RARB: variants seen among roughly 807,000 people sequenced by gnomAD.
RARB encodes the protein HBV-activated protein.
RARB carries 17 observed loss-of-function variants against 51.9 expected under a neutral mutation model. That is an observed-to-expected ratio of 0.33 (90% CI 0.22 to 0.49). The LOEUF (loss-of-function observed/expected upper bound fraction) is 0.49. RARB is among the 20% of genes least tolerant of loss of function. The pLI, the probability that RARB is intolerant of heterozygous loss-of-function variation, is 0.99. For synonymous variants in RARB, 215 were observed against 195.4 expected (o/e 1.10, Z -0.84); for missense variants, 369 against 550.8 (o/e 0.67, Z 3.30).
At chr3:24,948,310 A>G (rs754749878) in intron 2 of RARB, among the ~76,000 whole-genome samples, 4 of 152,224 alleles carry the variant, frequency 2.6e-5, no homozygotes, top group Non-Finnish European at 4.4e-5. Flanking sequence ...AGAAATACAC[A>G]TATGACTGAA....
At chr3:25,430,834 A>G (rs1355535682) in intron 1 of RARB, among the ~76,000 whole-genome samples, 2 of 152,154 alleles carry the variant, frequency 1.3e-5, no homozygotes, top group African/African-American at 4.8e-5. Flanking sequence ...CAGTTTCACA[A>G]GAGTTTGAAT....
intron 3 of RARB, among the ~76,000 whole-genome samples, chr3:25,127,791 G>T (rs1284079998): frequency 6.6e-6 from 1 of 151,798 alleles, no homozygotes; most frequent in Non-Finnish European, 1.5e-5. Flanking sequence ...CATGGTCTAG[G>T]GAAGACAGCA....
chr3:25,140,596 T>G (rs1425303992), intron 4 of RARB, among the ~76,000 whole-genome samples: 1 of 152,192 alleles, frequency 6.6e-6, no homozygotes, highest in Non-Finnish European at 1.5e-5. Context: ...TGAACATTGT[T>G]GAAATGACAA....
chr3:25,217,192 G>C (rs967114312), intron 5 of RARB, among the ~76,000 whole-genome samples: 8 of 152,148 alleles, frequency 5.3e-5, no homozygotes, highest in Admixed American at 2.6e-4. Context: ...CTACAATTTG[G>C]TTACCTGTTG....
At chr3:25,520,241 T>G (rs1445778424) in intron 3 of RARB, among the ~76,000 whole-genome samples, 5 of 152,234 alleles carry the variant, frequency 3.3e-5, no homozygotes, top group African/African-American at 1.2e-4. Flanking sequence ...ATTCAAACAC[T>G]GGTTATAAGA....
intron 5 of RARB, among the ~76,000 whole-genome samples, chr3:25,312,054 G>A (rs572247723): frequency 1.7e-4 from 26 of 152,296 alleles, no homozygotes; most frequent in Admixed American, 1.5e-3. Flanking sequence ...GTTCTTTGGG[G>A]GAGATGAGTT....
intron 5 of RARB, among the ~76,000 whole-genome samples, chr3:25,345,294 G>T (rs1705355156): frequency 6.6e-6 from 1 of 151,832 alleles, no homozygotes; most frequent in Admixed American, 6.6e-5. Context: ...CTGCTGAGCA[G>T]AAATTCATAG....
intron 5 of RARB, among the ~76,000 whole-genome samples, chr3:25,200,438 TTA>T (rs1299480228): frequency 1.3e-5 from 2 of 152,140 alleles, no homozygotes; most frequent in Non-Finnish European, 2.9e-5. Context: ...CAGAAGCTCT[TTA>T]GTTTGATTAG....
intron 5 of RARB, among the ~76,000 whole-genome samples, chr3:25,293,064 AC>A (rs1377480929): frequency 6.6e-6 from 1 of 152,200 alleles, no homozygotes; most frequent in Non-Finnish European, 1.5e-5. Flanking sequence ...TCCAATGCAG[AC>A]AAAAGATTAG....
intron 4 of RARB, among the ~76,000 whole-genome samples, chr3:25,154,138 A>T (rs1400594865): frequency 6.6e-6 from 1 of 152,236 alleles, no homozygotes. Flanking sequence ...AATTAAAGAT[A>T]TCTTATTGAT....
chr3:25,119,277 G>C (rs1699740313), intron 3 of RARB, among the ~76,000 whole-genome samples: 1 of 152,052 alleles, frequency 6.6e-6, no homozygotes, highest in African/African-American at 2.4e-5. Context: ...GGTGAGGACT[G>C]AGGGGTCGGT....
At chr3:25,005,968 A>ACTG (rs1365571748) in intron 2 of RARB, among the ~76,000 whole-genome samples, 12 of 152,018 alleles carry the variant, frequency 7.9e-5, no homozygotes, top group Non-Finnish European at 1.5e-4. Flanking sequence ...CTCCAGTTAT[A>ACTG]CTGGTTTGCT....
intron 5 of RARB, among the ~76,000 whole-genome samples, chr3:25,372,454 T>C (rs1296214587): frequency 6.6e-6 from 1 of 152,170 alleles, no homozygotes. Context: ...GGAGACATAA[T>C]AGTGAAAGCC....
intron 5 of RARB, among the ~76,000 whole-genome samples, chr3:25,386,112 T>A (rs964946387): frequency 6.6e-6 from 1 of 152,052 alleles, no homozygotes. Context: ...GGCAATATAG[T>A]CTGATAAAGA....
chr3:24,874,232 T>G (rs1156746158), intron 2 of RARB, among the ~76,000 whole-genome samples: 1 of 152,070 alleles, frequency 6.6e-6, no homozygotes, highest in African/African-American at 2.4e-5. Context: ...TCTTTGAAAT[T>G]GGTTGAGACT....
intron 2 of RARB, among the ~76,000 whole-genome samples, chr3:24,907,875 C>G (rs1694899628): frequency 6.6e-6 from 1 of 151,774 alleles, no homozygotes; most frequent in Non-Finnish European, 1.5e-5. Context: ...CAATATTAAC[C>G]ACAACTATTT....
intron 5 of RARB, among the ~76,000 whole-genome samples, chr3:25,416,378 G>A (rs1226166082): frequency 6.6e-6 from 1 of 152,200 alleles, no homozygotes. Flanking sequence ...AACAAAGTGA[G>A]ACTTTGTCTC....
chr3:24,907,974 C>A (rs956359992), intron 2 of RARB, among the ~76,000 whole-genome samples: 1 of 152,090 alleles, frequency 6.6e-6, no homozygotes, highest in African/African-American at 2.4e-5. Context: ...AATTCTAAAT[C>A]TTACTGGTTA....
At position 25,146,184 on chromosome 3, in the gene RARB, A is replaced by G. The variant is rs150643261; in HGVS notation, c.-280+13976A>G. 3.2e-3 allele frequency among the ~76,000 whole-genome samples: 494 copies of G among 152,292 alleles called. 3 individuals are homozygous for G. The highest frequency in any genetic ancestry group is 0.011 in the African/African-American group (463 of 41,548). ...TGGTAAAATGAAGATTAAGGAGCTA[A>G]TAGAGACAAGGCACCCATGTCTTAT... On this transcript the variant is annotated intron_variant, in intron 4 of 11. Transcript: ENST00000383772.
Sources: gnomAD v4.1 joint callset for allele counts (sites outside exome capture counted in the v4.1 genomes callset) on GRCh38, gnomAD v4.1.1 for gene constraint, MANE v1.5 for transcripts, NCBI Gene and HGNC (gene_info 2026-07-23, HGNC 2026-07-21) for gene names.